The following TNIK variants were observed in gnomAD, a reference collection of about 807,000 sequenced individuals.
TNIK encodes TRAF2 and NCK-interacting protein kinase.
TNIK carries 49 observed loss-of-function variants against 191.3 expected under a neutral mutation model. The ratio of observed to expected loss-of-function variants is 0.26; its 90% confidence interval spans 0.20 to 0.32. The LOEUF is 0.32. TNIK is among the 10% of genes least tolerant of loss of function. TNIK has a pLI of 1.00. For missense variants in TNIK, 1,155 were observed against 1,702.3 expected, an observed-to-expected ratio of 0.68 and a Z score of 5.66; for synonymous variants, 594 against 600.9, an observed-to-expected ratio of 0.99 and a Z score of 0.17.
At chr3:171,375,550 A>G (rs536932442) in intron 1 of TNIK, among the ~76,000 whole-genome samples, 2 of 151,626 alleles carry the variant, frequency 1.3e-5, no homozygotes, top group Non-Finnish European at 2.9e-5. Context: ...TGAAATTTAG[A>G]TGGCATTGGC....
At position 171,262,741 on chromosome 3, in the gene TNIK, T is replaced by C. The variant is rs138867080; in HGVS notation, c.124-34520A>G. On this transcript the variant is annotated intron_variant, in intron 2 of 32. Transcript: ENST00000436636. ...AAAAAATTCTTCCCTTCTTCCTTGA[T>C]GAGGGAACCTCAATTTTGTTCTAAT... Among the ~76,000 whole-genome samples, 549 of 152,364 alleles carry C rather than the reference T, an allele frequency of 3.6e-3. 4 individuals are homozygous for C. Among genetic ancestry groups the C allele is most frequent in the African/African-American group, 0.012 (495 of 41,588 alleles).
chr3:171,110,608 G>A, intron 19 of TNIK, 106 bp downstream of exon 19: 1 of 1,399,564 alleles, frequency 7.1e-7, no homozygotes, highest in Non-Finnish European at 9.5e-7. Context: ...GGATCACACA[G>A]TGGTGGCCAT....
chr3:171,259,825 A>G (rs1004755140), intron 2 of TNIK, among the ~76,000 whole-genome samples: 1 of 152,148 alleles, frequency 6.6e-6, no homozygotes, highest in Admixed American at 6.6e-5. Context: ...AGTGCTCTTC[A>G]AGAGATCCAT....
intron 2 of TNIK, among the ~76,000 whole-genome samples, chr3:171,275,683 A>T (rs559066427): frequency 8.6e-5 from 13 of 152,046 alleles, no homozygotes; most frequent in Admixed American, 7.2e-4. Context: ...GATCATGAGG[A>T]CAGGAGATCA....
chr3:171,331,582 T>C (rs1756425706), intron 2 of TNIK, among the ~76,000 whole-genome samples: 1 of 152,196 alleles, frequency 6.6e-6, no homozygotes, highest in Non-Finnish European at 1.5e-5. Flanking sequence ...GGAGGAAAGA[T>C]GAATAACTTC....
chr3:171,091,678 T>C (rs989376888), intron 23 of TNIK, among the ~76,000 whole-genome samples: 14 of 151,876 alleles, frequency 9.2e-5, no homozygotes, highest in African/African-American at 3.1e-4. Context: ...GAGGTTGCAG[T>C]GAGCCGAGAT....
At chr3:171,440,509 G>T (rs1726655989) in intron 1 of TNIK, among the ~76,000 whole-genome samples, 1 of 152,154 alleles carries the variant, frequency 6.6e-6, no homozygotes, top group Non-Finnish European at 1.5e-5. Flanking sequence ...AACAGTGGAG[G>T]AAATAAAGTG....
intron 2 of TNIK, among the ~76,000 whole-genome samples, chr3:171,349,668 C>G (rs1165649062): frequency 6.6e-6 from 1 of 152,216 alleles, no homozygotes; most frequent in Admixed American, 6.5e-5. Context: ...GATGGAAAGT[C>G]AGAATAATGT....
Position 171,062,039 on chromosome 3 carries a change from C to T in TNIK, c.*1842G>A, listed in dbSNP as rs1717880548. The T allele has an allele frequency of 6.6e-6, 1 of 152,150 alleles. No homozygotes were observed. Among genetic ancestry groups the T allele is most frequent in the African/African-American group, 2.4e-5 (1 of 41,426 alleles). 9.4% of individuals were successfully genotyped at this position (152,150 alleles called of 1,614,324 possible). A position where few individuals can be genotyped will look rare whatever the true frequency, so the allele number is the denominator to read the frequency against. Reference sequence around the variant, plus strand: ...ATGTAATCCAGAAACTAGAATGTTTCCCCTTCTCTTCCCCATCTTGCCCAA... The same window carrying T: ...ATGTAATCCAGAAACTAGAATGTTTTCCCTTCTCTTCCCCATCTTGCCCAA... On this transcript the variant is annotated 3_prime_UTR_variant, in exon 33 of 33. Coordinates refer to ENST00000436636, the MANE Select transcript of TNIK (RefSeq NM_015028.4).
At chr3:171,072,501 G>A (rs1293397918) in intron 28 of TNIK, among the ~76,000 whole-genome samples, 1 of 151,982 alleles carries the variant, frequency 6.6e-6, no homozygotes, top group Non-Finnish European at 1.5e-5. Context: ...AAAGCTAAGA[G>A]CATTCCCCCT....
At chr3:171,459,737 C>A (rs977228930) in intron 1 of TNIK, among the ~76,000 whole-genome samples, 1 of 150,156 alleles carries the variant, frequency 6.7e-6, no homozygotes, top group Non-Finnish European at 1.5e-5. Flanking sequence ...GCTCTTACAC[C>A]GGTATAAGAT....
intron 2 of TNIK, among the ~76,000 whole-genome samples, chr3:171,306,586 A>C (rs1470427397): frequency 6.6e-6 from 1 of 152,158 alleles, no homozygotes; most frequent in Admixed American, 6.5e-5. Flanking sequence ...GAAATTTTTT[A>C]ATCTTTCCAT....
chr3:171,343,375 TCTTA>T (rs1248999435), intron 2 of TNIK, among the ~76,000 whole-genome samples: 6 of 152,154 alleles, frequency 3.9e-5, no homozygotes, highest in Admixed American at 1.3e-4. Flanking sequence ...AAAGCATCAA[TCTTA>T]CTTATAATTC....
At chr3:171,352,856 A>G (rs1481081510) in intron 2 of TNIK, among the ~76,000 whole-genome samples, 1 of 152,148 alleles carries the variant, frequency 6.6e-6, no homozygotes, top group Admixed American at 6.6e-5. Context: ...CTCTCTGAAA[A>G]CTAATGAGGC....
At chr3:171,438,321 T>A (rs541353839) in intron 1 of TNIK, among the ~76,000 whole-genome samples, 34 of 152,348 alleles carry the variant, frequency 2.2e-4, no homozygotes, top group African/African-American at 7.9e-4. Flanking sequence ...CCAGGGGTCC[T>A]GCACTTTGTT....
chr3:171,269,545 T>A (rs1391499423), intron 2 of TNIK, among the ~76,000 whole-genome samples: 1 of 152,234 alleles, frequency 6.6e-6, no homozygotes, highest in African/African-American at 2.4e-5. Context: ...ATGTTTCATT[T>A]CCTTGGATAG....
intron 1 of TNIK, among the ~76,000 whole-genome samples, chr3:171,433,937 C>CTTTT (rs67036993): frequency 4.2e-5 from 3 of 71,114 alleles, no homozygotes; most frequent in African/African-American, 5.7e-5. Context: ...TTTCTTTTTC[C>CTTTT]TTTTTTTTTT....
chr3:171,387,776 G>A lies in TNIK; in HGVS notation c.58-18091C>T, dbSNP rs531034856. Among the ~76,000 whole-genome samples, 24 of 152,252 alleles carry A rather than the reference G, an allele frequency of 1.6e-4. 1 individual carries two copies. In the South Asian group the frequency reaches 5.0e-3, roughly 32 times the overall value. ...AGGATTATGAATTTCAAACCACTAG[G>A]AGTGAGGCATATGAAGTTTCTAATT... is the stretch of plus-strand genomic sequence containing the variant. On this transcript the variant is annotated intron_variant, in intron 1 of 32. Transcript: ENST00000436636.
chr3:171,421,724 ATTTTTTT>A (rs67895255), intron 1 of TNIK, among the ~76,000 whole-genome samples: 1 of 91,354 alleles, frequency 1.1e-5, no homozygotes, highest in Non-Finnish European at 2.0e-5. Context: ...TAGTTGTGTA[ATTTTTTT>A]TTTTTTTTTT....
Sources: gnomAD v4.1 joint callset for allele counts (sites outside exome capture counted in the v4.1 genomes callset) on GRCh38, gnomAD v4.1.1 for gene constraint, MANE v1.5 for transcripts, NCBI Gene and HGNC (gene_info 2026-07-23, HGNC 2026-07-21) for gene names.